The following RACGAP1 variants were observed in gnomAD, a reference collection of about 807,000 sequenced individuals.
RACGAP1 encodes rac GTPase-activating protein 1.
In RACGAP1, 30 loss-of-function variants were observed where a neutral mutation model predicts 78.1. The ratio of observed to expected loss-of-function variants is 0.38; its 90% CI spans 0.29 to 0.52. The LOEUF (loss-of-function observed/expected upper bound fraction) is 0.52, where lower values mean the gene tolerates loss of function less well. Among genes scored for constraint, RACGAP1 ranks in the 20% least tolerant of loss-of-function variants. The probability of loss-of-function intolerance (pLI) is 0.82; values close to 1 mark genes in which losing one functional copy is unlikely to be tolerated. For synonymous variants in RACGAP1, 231 were observed against 264.8 expected, an observed-to-expected ratio of 0.87 and a Z score of 1.24; for missense variants, 587 against 777.1, an observed-to-expected ratio of 0.76 and a Z score of 2.91.
At chr12:50,002,335 T>C in intron 5 of RACGAP1, 35 bp from the exon 6 acceptor site, 2 of 1,580,020 alleles carry the variant, frequency 1.3e-6, no homozygotes, top group East Asian at 2.2e-5. Context: ...TTTCTTTTTT[T>C]GGTTAGGCCA....
Position 49,997,207 on chromosome 12 carries a change from G to C in RACGAP1, c.880-3C>G. ...ACACAGGATTCAGGTTTAATAACCT[G>C]GGATAAAACAGGGCAGAAGGAACAG... is the stretch of plus-strand genomic sequence containing the variant. On this transcript the variant is annotated splice_region_variant and splice_polypyrimidine_tract_variant and intron_variant, in intron 9 of 16. Transcript: ENST00000312377. The C allele has an allele frequency of 6.3e-7, 1 of 1,575,662 alleles. No homozygotes were observed. The highest frequency in any genetic ancestry group is 8.7e-7 in the Non-Finnish European group (1 of 1,153,232).
At chr12:50,009,857 C>A (rs1157058806) in intron 2 of RACGAP1, among the ~76,000 whole-genome samples, 1 of 152,220 alleles carries the variant, frequency 6.6e-6, no homozygotes, top group Non-Finnish European at 1.5e-5. Context: ...TACCCATTTA[C>A]CAAGTCCCAT....
At chr12:50,004,045 G>A (rs969709046) in intron 5 of RACGAP1, among the ~76,000 whole-genome samples, 190 bp downstream of exon 5, 2 of 152,264 alleles carry the variant, frequency 1.3e-5, no homozygotes, top group Admixed American at 6.5e-5. Context: ...TCTCACTTCA[G>A]AAACTAATAT....
At chr12:50,002,456 T>C (rs1327339084) in intron 5 of RACGAP1, among the ~76,000 whole-genome samples, 156 bp from the exon 6 acceptor site, 1 of 152,234 alleles carries the variant, frequency 6.6e-6, no homozygotes, top group Non-Finnish European at 1.5e-5. Context: ...TCAAGTGTTG[T>C]AGCTATAGAG....
chr12:50,000,769 G>T (rs1948624482), intron 7 of RACGAP1, among the ~76,000 whole-genome samples: 1 of 152,068 alleles, frequency 6.6e-6, no homozygotes, highest in African/African-American at 2.4e-5. Context: ...TTAACCAAAG[G>T]CCAGGCACGG....
Position 49,999,705 on chromosome 12 carries a change from G to A in RACGAP1, c.659C>T (p.Thr220Ile). The A allele has an allele frequency of 6.2e-7, 1 of 1,614,118 alleles. No individual in the cohort carries two copies. The highest frequency in any genetic ancestry group is 1.1e-5 in the South Asian group (1 of 91,078). The change falls in exon 8 of 17, where the codon ACA becomes ATA. Residue 220 changes from threonine to isoleucine, a missense_variant. Coordinates refer to ENST00000312377, the MANE Select transcript of RACGAP1 (RefSeq NM_001319999.2). ...CCCGCCATCATTGGGAACAGTCACT[G>A]TAGTTTTTGCAACTATGGATTCATT... is the stretch of plus-strand genomic sequence containing the variant. ...QGNESIVAKT[T>I]VTVPNDGGPI...
intron 9 of RACGAP1, among the ~76,000 whole-genome samples, chr12:49,997,544 G>A (rs1418940936): frequency 6.6e-6 from 1 of 152,018 alleles, no homozygotes; most frequent in Admixed American, 6.5e-5. Context: ...AAAGTGCTGG[G>A]ATTACAGGCG....
chr12:50,018,107 A>C (rs555807873), intron 1 of RACGAP1, among the ~76,000 whole-genome samples: 18 of 151,820 alleles, frequency 1.2e-4, no homozygotes, highest in Non-Finnish European at 2.1e-4. Context: ...GTAGTAAGCT[A>C]AGATGGTGCC....
chr12:50,025,583 G>C, upstream of RACGAP1: 2 of 975,926 alleles, frequency 2.0e-6, no homozygotes, highest in Non-Finnish European at 2.4e-6. Context: ...GGAGGTGACG[G>C]GAACGGGAAT....
intron 10 of RACGAP1, 28 bp from the exon 11 acceptor site, chr12:49,994,537 T>G: frequency 1.9e-6 from 3 of 1,604,216 alleles, no homozygotes; most frequent in Non-Finnish European, 2.5e-6. Flanking sequence ...CTTTAAATTA[T>G]TATTTACGCC....
Position 49,992,669 on chromosome 12 carries a change from G to C in RACGAP1, c.1340-14C>G, listed in dbSNP as rs766911973. The C allele has an allele frequency of 6.2e-7, 1 of 1,600,960 alleles. No homozygotes were observed. Among genetic ancestry groups the C allele is most frequent in the East Asian group, 2.2e-5 (1 of 44,826 alleles). On this transcript the variant is annotated splice_polypyrimidine_tract_variant and intron_variant, in intron 12 of 16. Transcript: ENST00000312377. ...CATCTGTGATTTCTGTAATTGAAAA[G>C]AAAGCACCAAGAGGCCTAGACTTCT... is the stretch of plus-strand genomic sequence containing the variant.
chr12:50,032,711 G>C (rs1025852404), intron 1 of RACGAP1, among the ~76,000 whole-genome samples: 3 of 152,184 alleles, frequency 2.0e-5, no homozygotes, highest in African/African-American at 7.2e-5. Context: ...GCTTGGGTTC[G>C]ATTCCCCGCT....
chr12:49,993,885 G>A (rs1948069835), intron 12 of RACGAP1, among the ~76,000 whole-genome samples: 1 of 150,384 alleles, frequency 6.6e-6, no homozygotes, highest in African/African-American at 2.4e-5. Flanking sequence ...CTCTACTAAA[G>A]ATAGAAAACA....
In RACGAP1 at chr12:49,992,312, A is replaced by G; in HGVS notation, c.1511T>C (p.Ile504Thr). 1 of 1,614,164 alleles carries G rather than the reference A, an allele frequency of 6.2e-7. No homozygotes were observed. Among genetic ancestry groups the G allele is most frequent in the South Asian group, 1.1e-5 (1 of 91,082 alleles). Residue 504 changes from isoleucine to threonine, a missense_variant, in exon 14 of 17, where the codon ATA becomes ACA. Coordinates refer to ENST00000312377, the MANE Select transcript of RACGAP1 (RefSeq NM_001319999.2). ...ANLAKVFGPT[I>T]VAHAVPNPDP... Reference sequence around the variant, plus strand: ...TGGATTGGGCACAGCATGGGCCACTATTGTAGGGCCAAAGACTTTAGCCAG... The same window carrying G: ...TGGATTGGGCACAGCATGGGCCACTGTTGTAGGGCCAAAGACTTTAGCCAG...
At chr12:50,010,920 C>G (rs1460200111) in intron 2 of RACGAP1, among the ~76,000 whole-genome samples, 3 of 105,256 alleles carry the variant, frequency 2.9e-5, no homozygotes, top group Non-Finnish European at 5.8e-5. Context: ...CAACAAAGAG[C>G]GAAAAATTCT....
intron 6 of RACGAP1, 140 bp from the exon 7 acceptor site, chr12:50,001,392 TC>T (rs2137377195): frequency 1.8e-6 from 1 of 550,826 alleles, no homozygotes; most frequent in Admixed American, 3.2e-5. Flanking sequence ...GTTCTCTCTC[TC>T]TCTCTCTTTG....
chr12:50,018,522 T>C (rs1371367154), intron 1 of RACGAP1: 1 of 1,286,634 alleles, frequency 7.8e-7, no homozygotes. Flanking sequence ...ATACCCTAAG[T>C]GCTACAGGAC....
At chr12:49,997,645 T>C (rs1948391470) in intron 9 of RACGAP1, among the ~76,000 whole-genome samples, 1 of 150,742 alleles carries the variant, frequency 6.6e-6, no homozygotes, top group East Asian at 2.0e-4. Context: ...GTGGTAGAGG[T>C]TGGCTCACTG....
At chr12:50,021,204 G>T in intron 1 of RACGAP1, 1 of 823,412 alleles carries the variant, frequency 1.2e-6, no homozygotes, top group African/African-American at 1.9e-5. Flanking sequence ...CAAAAACAAA[G>T]TCATATTGTA....
Sources: allele counts gnomAD v4.1 joint callset (sites outside exome capture counted in the v4.1 genomes callset), GRCh38; gene constraint gnomAD v4.1.1; transcripts MANE v1.5; gene names NCBI Gene and HGNC (gene_info 2026-07-23, HGNC 2026-07-21).